Variants in DLG2 observed in about 807,000 individuals in gnomAD.
DLG2 encodes discs large MAGUK scaffold protein 2, also known as disks large homolog 2.
Under a neutral mutation model 132.5 loss-of-function variants are expected in DLG2, and 45 were observed. The observed-to-expected ratio is 0.34, with a 90% CI of 0.27 to 0.44. The LOEUF (loss-of-function observed/expected upper bound fraction) is 0.44, where lower values mean the gene tolerates loss of function less well. Among genes scored for constraint, DLG2 ranks in the 20% least tolerant of loss-of-function variants. DLG2 has a pLI of 1.00. For synonymous variants in DLG2, 424 were observed against 419.6 expected (o/e 1.01, Z -0.13); for missense variants, 1,045 against 1,196.9 (o/e 0.87, Z 1.87).
At chr11:83,824,739 T>C (rs1246638650) in intron 17 of DLG2, among the ~76,000 whole-genome samples, 2 of 152,138 alleles carry the variant, frequency 1.3e-5, no homozygotes, top group East Asian at 3.8e-4. Flanking sequence ...GTTTTGGAAG[T>C]ACCACTGCGA....
At chr11:84,302,679 A>G (rs979688245) in intron 7 of DLG2, among the ~76,000 whole-genome samples, 1 of 152,336 alleles carries the variant, frequency 6.6e-6, no homozygotes, top group East Asian at 1.9e-4. Context: ...ATTTTTTACC[A>G]TAAGCTTGTA....
intron 18 of DLG2, among the ~76,000 whole-genome samples, chr11:83,694,154 C>A (rs2081466790): frequency 6.6e-6 from 1 of 152,194 alleles, no homozygotes. Flanking sequence ...TAGTAAGCAA[C>A]AGAGCTGGGA....
At chr11:84,070,643 A>G (rs1014990084) in intron 10 of DLG2, among the ~76,000 whole-genome samples, 1 of 152,252 alleles carries the variant, frequency 6.6e-6, no homozygotes, top group African/African-American at 2.4e-5. Context: ...CATTAAATTG[A>G]TGAACATTTC....
At chr11:85,479,201 T>C (rs994165877) in intron 3 of DLG2, among the ~76,000 whole-genome samples, 4 of 152,212 alleles carry the variant, frequency 2.6e-5, no homozygotes, top group African/African-American at 9.7e-5. Flanking sequence ...GACTCTGACT[T>C]ATGAACAATA....
At chr11:83,550,003 C>G (rs760366623) in intron 19 of DLG2, among the ~76,000 whole-genome samples, 5 of 152,094 alleles carry the variant, frequency 3.3e-5, no homozygotes, top group Non-Finnish European at 7.4e-5. Context: ...CTCATTTTAT[C>G]GAAGGGAAGA....
chr11:84,650,873 G>A (rs11234108), intron 6 of DLG2, among the ~76,000 whole-genome samples: 40,953 of 121,374 alleles, frequency 0.34, 7,526 homozygotes, highest in South Asian at 0.52. Flanking sequence ...GTGTGTGTGT[G>A]TATATATATA....
At chr11:84,660,328 A>G (rs2099693174) in intron 6 of DLG2, among the ~76,000 whole-genome samples, 1 of 151,998 alleles carries the variant, frequency 6.6e-6, no homozygotes, top group Non-Finnish European at 1.5e-5. Context: ...ATTCCTCTTA[A>G]CTCCCAGGAT....
At chr11:84,313,674 A>AAAGAAAGAAAGAAAGAAAGAAAGG (rs1555500647) in intron 7 of DLG2, among the ~76,000 whole-genome samples, 3 of 151,892 alleles carry the variant, frequency 2.0e-5, no homozygotes, top group African/African-American at 7.2e-5. Context: ...AGAAAGAAAG[A>AAAGAAAGAAAGAAAGAAAGAAAGG]AAGAAAGAAA....
chr11:85,032,450 C>A (rs956844592), intron 6 of DLG2, among the ~76,000 whole-genome samples: 5 of 152,072 alleles, frequency 3.3e-5, no homozygotes, highest in African/African-American at 1.2e-4. Flanking sequence ...GAATATATGG[C>A]AAATAACAAT....
chr11:85,211,599 T>C (rs1321711233), intron 4 of DLG2, among the ~76,000 whole-genome samples: 2 of 152,058 alleles, frequency 1.3e-5, no homozygotes, highest in Non-Finnish European at 2.9e-5. Flanking sequence ...ATTGGCTAGG[T>C]AAAAAAGGTA....
intron 6 of DLG2, among the ~76,000 whole-genome samples, chr11:84,678,436 T>G (rs2099720557): frequency 6.6e-6 from 1 of 151,916 alleles, no homozygotes. Context: ...TATATGGAGG[T>G]GAATAAGAGC....
chr11:85,485,081 T>C (rs1437632455), intron 3 of DLG2, among the ~76,000 whole-genome samples: 1 of 151,994 alleles, frequency 6.6e-6, no homozygotes, highest in African/African-American at 2.4e-5. Context: ...AAACCATCAT[T>C]CTCAGCAAAC....
At chr11:84,305,419 G>T (rs540586134) in intron 7 of DLG2, among the ~76,000 whole-genome samples, 7 of 152,270 alleles carry the variant, frequency 4.6e-5, no homozygotes, top group Admixed American at 3.9e-4. Context: ...CAGACCATTT[G>T]TATTTGATAA....
At chr11:83,830,392 T>G (rs954756883) in intron 17 of DLG2, among the ~76,000 whole-genome samples, 6 of 152,224 alleles carry the variant, frequency 3.9e-5, no homozygotes, top group Admixed American at 1.3e-4. Context: ...TCCTCTCACA[T>G]GTATGGAGGT....
In DLG2 at chr11:85,409,298, C is replaced by G. The variant is rs561699407; in HGVS notation, c.41-123933G>C. Among the ~76,000 whole-genome samples the G allele has an allele frequency of 1.6e-4, 24 of 151,994 alleles. No individual in the cohort carries two copies. The South Asian group carries it at 2.3e-3, about 14-fold the overall frequency. ...GTCCTGGTTTACATGTAATCTGGTT[C>G]ACACAAGGTTAAGAACATGGACTCT... On this transcript the variant is annotated intron_variant, in intron 3 of 27. Coordinates refer to ENST00000376104, the MANE Select transcript of DLG2 (RefSeq NM_001142699.3).
chr11:83,683,063 G>A (rs1283708160), intron 18 of DLG2, among the ~76,000 whole-genome samples: 1 of 152,132 alleles, frequency 6.6e-6, no homozygotes, highest in Non-Finnish European at 1.5e-5. Flanking sequence ...CAGTACTGTT[G>A]ACCAAAAATC....
intron 7 of DLG2, among the ~76,000 whole-genome samples, chr11:84,384,332 T>C (rs1003377632): frequency 2.6e-5 from 4 of 152,066 alleles, no homozygotes; most frequent in African/African-American, 9.7e-5. Flanking sequence ...AATGCAACTT[T>C]AAAAGACTCT....
intron 22 of DLG2, among the ~76,000 whole-genome samples, chr11:83,476,970 A>C (rs1226488741): frequency 6.6e-6 from 1 of 152,132 alleles, no homozygotes; most frequent in East Asian, 1.9e-4. Flanking sequence ...AAGAATATGC[A>C]CCATTTTGAC....
intron 6 of DLG2, among the ~76,000 whole-genome samples, chr11:84,638,989 T>C (rs1465500662): frequency 6.6e-6 from 1 of 152,234 alleles, no homozygotes; most frequent in Non-Finnish European, 1.5e-5. Context: ...TGAGGACCAC[T>C]GATAAAATCT....
Sources: gnomAD v4.1 joint callset for allele counts (sites outside exome capture counted in the v4.1 genomes callset) on GRCh38, gnomAD v4.1.1 for gene constraint, MANE v1.5 for transcripts, NCBI Gene and HGNC (gene_info 2026-07-23, HGNC 2026-07-21) for gene names.